NR3C2: variants seen among roughly 807,000 people sequenced by gnomAD.
The protein encoded by NR3C2 is nuclear receptor subfamily 3 group C member 2.
A neutral mutation model predicts 86.4 loss-of-function variants in NR3C2; 15 were observed. The ratio of observed to expected loss-of-function variants is 0.17; its 90% CI spans 0.12 to 0.27. The LOEUF is 0.27. NR3C2 is among the 10% of genes least tolerant of loss of function. NR3C2 has a pLI of 1.00. For missense variants in NR3C2, 960 were observed against 1,195.6 expected (o/e 0.80, Z 2.91); for synonymous variants, 458 against 450.5 (o/e 1.02, Z -0.21).
chr4:148,296,065 A>AAG (rs1561025072), intron 2 of NR3C2, among the ~76,000 whole-genome samples: 3 of 151,308 alleles, frequency 2.0e-5, no homozygotes, highest in African/African-American at 4.8e-5. Context: ...AAAAAAAAAA[A>AAG]AGAGAGAATG....
At chr4:148,220,793 C>T (rs67622917) in intron 3 of NR3C2, among the ~76,000 whole-genome samples, 23,528 of 152,126 alleles carry the variant, frequency 0.15, 2,208 homozygotes, top group Admixed American at 0.24. Context: ...GAGACCCTAT[C>T]TCTAAAAAAG....
chr4:148,245,444 T>C (rs938078316), intron 3 of NR3C2, among the ~76,000 whole-genome samples: 3 of 152,200 alleles, frequency 2.0e-5, no homozygotes, highest in East Asian at 1.9e-4. Flanking sequence ...TGTGTAACTA[T>C]GGACAAACTG....
At chr4:148,277,906 A>G (rs987647502) in intron 2 of NR3C2, among the ~76,000 whole-genome samples, 2 of 152,234 alleles carry the variant, frequency 1.3e-5, no homozygotes, top group African/African-American at 2.4e-5. Context: ...ATAGGGCCTC[A>G]GGAAAAGAAG....
intron 2 of NR3C2, among the ~76,000 whole-genome samples, chr4:148,390,660 A>G (rs904579821): frequency 6.6e-6 from 1 of 152,196 alleles, no homozygotes; most frequent in African/African-American, 2.4e-5. Context: ...TCAGCTTACT[A>G]TGAACCAAAC....
In NR3C2 at chr4:148,427,018, G is replaced by A. The variant is rs145698573; in HGVS notation, c.1757+8086C>T. 2.2e-3 allele frequency among the ~76,000 whole-genome samples: 327 copies of A among 151,422 alleles called. 3 individuals are homozygous for A. Among genetic ancestry groups the A allele is most frequent in the African/African-American group, 7.4e-3 (304 of 41,278 alleles). ...TCACCCAGGCTGAAGTGTAGTACAC[G>A]GTCTCGGTTCACTGCAACGTCCACC... On this transcript the variant is annotated intron_variant, in intron 2 of 8. Transcript: ENST00000358102.
intron 2 of NR3C2, among the ~76,000 whole-genome samples, chr4:148,342,938 C>A (rs561788280): frequency 6.6e-6 from 1 of 151,642 alleles, no homozygotes; most frequent in Admixed American, 6.6e-5. Context: ...GCAACTACTT[C>A]AGATATAAAG....
chr4:148,154,785 T>A lies in NR3C2; in HGVS notation c.2131A>T (p.Ile711Phe). 5 of 1,354,322 alleles carry A rather than the reference T, an allele frequency of 3.7e-6. No individual in the cohort carries two copies. The highest frequency in any genetic ancestry group is 4.9e-6 in the Non-Finnish European group (5 of 1,021,442). 83.9% of individuals were successfully genotyped at this position (1,354,322 alleles called of 1,614,324 possible). ...ACCGAGGGTTCTTTTGCAGGAGCGA[T>A]GTACGTTGTCCCTTCCTCTGGGCTT... ...PQSPEEGTTY[I>F]APAKEPSVNT... Residue 711 changes from isoleucine (I) to phenylalanine (F), a missense_variant, in exon 5 of 9, where the codon ATC (isoleucine) becomes TTC (phenylalanine). Physicochemically the swap from Ile to Phe is conservative, Grantham distance 21 (BLOSUM62 0). Transcript: ENST00000358102.
intron 2 of NR3C2, among the ~76,000 whole-genome samples, chr4:148,403,150 A>C (rs1486613813): frequency 6.6e-6 from 1 of 152,086 alleles, no homozygotes; most frequent in East Asian, 1.9e-4. Context: ...TAATTTAAAA[A>C]ATGAAATTAC....
At chr4:148,379,249 T>G (rs17484783) in intron 2 of NR3C2, among the ~76,000 whole-genome samples, 1 of 148,586 alleles carries the variant, frequency 6.7e-6, no homozygotes, top group Non-Finnish European at 1.5e-5. Flanking sequence ...GTAAATCAAG[T>G]GTTTTTTTTT....
At chr4:148,255,080 C>G (rs1005510645) in intron 3 of NR3C2, among the ~76,000 whole-genome samples, 3 of 152,036 alleles carry the variant, frequency 2.0e-5, no homozygotes, top group South Asian at 2.1e-4. Context: ...CTGCCCCCCC[C>G]CAACACACAC....
At chr4:148,311,187 T>C (rs116479695) in intron 2 of NR3C2, among the ~76,000 whole-genome samples, 1,678 of 152,294 alleles carry the variant, frequency 0.011, 19 homozygotes, top group Non-Finnish European at 0.017. Flanking sequence ...GATATTTTCG[T>C]TTCTCCATTC....
intron 3 of NR3C2, among the ~76,000 whole-genome samples, chr4:148,233,011 C>G (rs139995437): frequency 1.3e-5 from 2 of 152,318 alleles, no homozygotes; most frequent in African/African-American, 4.8e-5. Flanking sequence ...AATGTTGTGG[C>G]TGGTTTGATC....
At chr4:148,236,831 C>A (rs1043311333) in intron 3 of NR3C2, among the ~76,000 whole-genome samples, 2 of 152,150 alleles carry the variant, frequency 1.3e-5, no homozygotes, top group Non-Finnish European at 1.5e-5. Flanking sequence ...AACTGGGACA[C>A]AGGGTAACTC....
intron 2 of NR3C2, among the ~76,000 whole-genome samples, chr4:148,273,055 C>T (rs1174322259): frequency 2.0e-5 from 3 of 152,154 alleles, no homozygotes; most frequent in Non-Finnish European, 4.4e-5. Flanking sequence ...GAAGGATAGT[C>T]ATCAATACCA....
chr4:148,118,975 C>T (rs1688082975), intron 7 of NR3C2, among the ~76,000 whole-genome samples: 1 of 152,178 alleles, frequency 6.6e-6, no homozygotes, highest in African/African-American at 2.4e-5. Context: ...CTCTGCCTCT[C>T]TCCTATCCTG....
chr4:148,300,707 G>A (rs890997351), intron 2 of NR3C2, among the ~76,000 whole-genome samples: 2 of 151,396 alleles, frequency 1.3e-5, no homozygotes, highest in Non-Finnish European at 2.9e-5. Flanking sequence ...CAAGTAGCCG[G>A]GATTACAGGC....
At chr4:148,125,791 A>T (rs184001986) in intron 6 of NR3C2, among the ~76,000 whole-genome samples, 1 of 152,334 alleles carries the variant, frequency 6.6e-6, no homozygotes, top group Admixed American at 6.5e-5. Flanking sequence ...AGAGAAGGAA[A>T]GGAAAAAAGA....
At chr4:148,157,612 G>A (rs1351648734) in intron 4 of NR3C2, among the ~76,000 whole-genome samples, 1 of 151,976 alleles carries the variant, frequency 6.6e-6, no homozygotes, top group African/African-American at 2.4e-5. Flanking sequence ...GAAGACAGAT[G>A]AATGAGAGAA....
At position 148,202,481 on chromosome 4, in the gene NR3C2, T is replaced by C. The variant is rs914182631; in HGVS notation, c.1898-7619A>G. On this transcript the variant is annotated intron_variant, in intron 3 of 8. Transcript: ENST00000358102. ...GGGAGGCCTGTCCTGATCCAGCTGT[T>C]CCCTTGCCTGTACCTAATCTGGGGG... 4.6e-5 allele frequency among the ~76,000 whole-genome samples: 7 copies of C among 152,336 alleles called. No individual in the cohort carries two copies. The South Asian group carries it at 1.0e-3, about 23-fold the overall frequency.
Sources: gnomAD v4.1 joint callset for allele counts (sites outside exome capture counted in the v4.1 genomes callset) on GRCh38, gnomAD v4.1.1 for gene constraint, MANE v1.5 for transcripts, NCBI Gene and HGNC (gene_info 2026-07-23, HGNC 2026-07-21) for gene names.